The following IRX2 variants were observed in gnomAD, a reference collection of about 807,000 sequenced individuals.
The protein encoded by IRX2 is iroquois-class homeodomain protein IRX-2.
IRX2 carries 26 observed loss-of-function variants against 42.9 expected under a neutral mutation model. The ratio of observed to expected loss-of-function variants is 0.61; its 90% confidence interval spans 0.44 to 0.84. IRX2 has a LOEUF of 0.84. Among genes scored for constraint, IRX2 ranks in the 40% least tolerant of loss-of-function variants. The pLI is 0.00. For synonymous variants in IRX2, 424 were observed against 353.9 expected, an observed-to-expected ratio of 1.20 and a Z score of -2.22; for missense variants, 782 against 713.9, an observed-to-expected ratio of 1.10 and a Z score of -1.09.
At chr5:2,746,047 G>A (rs1737653796), downstream of IRX2, 2 of 148,608 alleles carry the variant, frequency 1.3e-5, no homozygotes, top group South Asian at 4.2e-4. Context: ...AGGAGAGAAA[G>A]GAGAGTTTAT....
chr5:2,749,698 G>A lies in IRX2; in HGVS notation c.339C>T (p.Asn113=), dbSNP rs61751232. 6.2e-7 allele frequency: 1 copy of A among 1,614,140 alleles called. No homozygotes were observed. Among genetic ancestry groups the A allele is most frequent in the Non-Finnish European group, 8.5e-7 (1 of 1,180,024 alleles). The change falls in exon 2 of 4, where the codon AAC becomes AAT. Residue 113 remains asparagine, a synonymous_variant. Coordinates refer to ENST00000302057, the MANE Select transcript of IRX2 (RefSeq NM_033267.5). The part of the protein sequence containing the change: ...YGSAAYPYQL[N]DPAYRKNATR... Reference sequence around the variant, plus strand: ...TGGCGTTCTTGCGGTACGCGGGGTCGTTGAGCTGGTACGGGTAGGCCGCGC... The same window carrying A: ...TGGCGTTCTTGCGGTACGCGGGGTCATTGAGCTGGTACGGGTAGGCCGCGC...
the IRX2 span, among the ~76,000 whole-genome samples, chr5:2,739,224 C>A: frequency 6.6e-6 from 1 of 152,358 alleles, no homozygotes; most frequent in Non-Finnish European, 1.5e-5. Context: ...GGCAACCCAC[C>A]CCGAGCCCGC....
rs1174624663 is a variant in IRX2 at position 2,749,660 on chromosome 5, G to A, written c.377C>T (p.Thr126Met). The A allele has an allele frequency of 6.2e-7, 1 of 1,614,200 alleles. No individual in the cohort carries two copies. The highest frequency in any genetic ancestry group is 8.5e-7 in the Non-Finnish European group (1 of 1,180,018). Residue 126 changes from threonine (T) to methionine (M), a missense_variant, in exon 2 of 4, where the codon ACG becomes ATG. Around this residue, in one of 3 missense-constraint regions of IRX2, gnomAD observed 256 missense variants for 250.0 expected, o/e 1.02. Coordinates refer to ENST00000302057, the MANE Select transcript of IRX2 (RefSeq NM_033267.5). ...AYRKNATRDA[T>M]ATLKAWLNEH... ...GTTGAGCCAGGCCTTGAGAGTGGCC[G>A]TGGCGTCCCGCGTGGCGTTCTTGCG... is the stretch of plus-strand genomic sequence containing the variant.
intron 1 of IRX2, 64 bp from the exon 2 acceptor site, chr5:2,749,851 T>A (rs895764783): frequency 6.7e-7 from 1 of 1,491,744 alleles, no homozygotes; most frequent in Admixed American, 2.0e-5. Flanking sequence ...AGCCAGAGGA[T>A]GCCACCCCTC....
rs1207308633 is a variant in IRX2, at chr5:2,751,328, G to T, written c.86C>A (p.Ala29Glu). Residue 29 changes from alanine to glutamate, a missense_variant, in exon 1 of 4, where the codon GCG (alanine) becomes GAG (glutamate). Physicochemically the swap from Ala to Glu is moderately radical, Grantham distance 107 (BLOSUM62 -1). Transcript: ENST00000302057. This position sits in a 1 kb window ranked among gnomAD's most constrained non-coding sequence, Gnocchi z 4.0. ...CGCCAGCTCCTCGCTGCGCGGAGCC[G>T]CCAAAGCCGACGCGCCGTAGGCCGG... ...SCPAYGASAL[A>E]APRSEELARS... The T allele has an allele frequency of 1.4e-6, 2 of 1,438,512 alleles. No homozygotes were observed. The highest frequency in any genetic ancestry group is 3.2e-5 in the East Asian group (1 of 31,328). 89.1% of individuals were successfully genotyped at this position (1,438,512 alleles called of 1,614,324 possible).
At chr5:2,737,856 C>G in the IRX2 span, 1 of 152,184 alleles carries the variant, frequency 6.6e-6, no homozygotes, top group African/African-American at 2.4e-5. Context: ...TCTTCACCCA[C>G]CAGAGAAGTT....
chr5:2,748,619 G>A lies in IRX2; in HGVS notation c.1089C>T (p.Thr363=), dbSNP rs377008864. 7.3e-6 allele frequency: 11 copies of A among 1,504,582 alleles called. No individual in the cohort carries two copies. The highest frequency in any genetic ancestry group is 9.7e-6 in the Non-Finnish European group (11 of 1,131,358). The allele number at this position is 1,504,582 out of a possible 1,614,324, so 93.2% of individuals were successfully genotyped here. ...GLPAAAAPAS[T]GAPPGGSPYP... Reference sequence around the variant, plus strand: ...AGGGCGAGCCTCCTGGCGGTGCCCCGGTTGAGGCCGGCGCGGCGGCCGCGG... The same window carrying A: ...AGGGCGAGCCTCCTGGCGGTGCCCCAGTTGAGGCCGGCGCGGCGGCCGCGG... The change falls in exon 3 of 4, where the codon ACC becomes ACT. Residue 363 remains threonine, a synonymous_variant. Coordinates refer to ENST00000302057, the MANE Select transcript of IRX2 (RefSeq NM_033267.5).
At position 2,748,628 on chromosome 5, in the gene IRX2, C is replaced by A; in HGVS notation, c.1080G>T (p.Pro360=). The change falls in exon 3 of 4, where the codon CCG becomes CCT. Residue 360 remains proline (P), a synonymous_variant. Transcript: ENST00000302057. ...CTCCTGGCGGTGCCCCGGTTGAGGC[C>A]GGCGCGGCGGCCGCGGGCAGCCCCG... is the stretch of plus-strand genomic sequence containing the variant. The part of the protein sequence containing the change: ...GPPGLPAAAA[P]ASTGAPPGGS... 1 of 1,469,548 alleles carries A rather than the reference C, an allele frequency of 6.8e-7. No homozygotes were observed. The highest frequency in any genetic ancestry group is 1.4e-5 in the South Asian group (1 of 72,148). The allele number at this position is 1,469,548 out of a possible 1,614,324, so 91.0% of individuals were successfully genotyped here.
At chr5:2,749,326 C>A in intron 2 of IRX2, 56 bp downstream of exon 2, 1 of 1,538,544 alleles carries the variant, frequency 6.5e-7, no homozygotes. Flanking sequence ...CTTAGCTCTG[C>A]GCCCCGCCTG....
In IRX2 at chr5:2,747,369, A is replaced by C; in HGVS notation, c.*195T>G. 2.0e-6 allele frequency: 1 copy of C among 500,360 alleles called. No homozygotes were observed. Among genetic ancestry groups the C allele is most frequent in the Non-Finnish European group, 3.6e-6 (1 of 276,044 alleles). The allele number at this position is 500,360 out of a possible 1,614,324, so 31.0% of individuals were successfully genotyped here. ...AGGAGTGATAGAACTTGTGCCAAAA[A>C]GAGGGAATCTATAAAACAGAAAATA... On this transcript the variant is annotated 3_prime_UTR_variant, in exon 4 of 4. Coordinates refer to ENST00000302057, the MANE Select transcript of IRX2 (RefSeq NM_033267.5).
intron 1 of IRX2, among the ~76,000 whole-genome samples, chr5:2,750,901 G>A (rs1162084848): frequency 3.9e-5 from 6 of 152,102 alleles, no homozygotes; most frequent in African/African-American, 1.2e-4. Flanking sequence ...GGCTCTCAGA[G>A]AAAATCAGCC....
Position 2,747,527 on chromosome 5 carries a change from G to A in IRX2, c.*37C>T, listed in dbSNP as rs770356382. The A allele has an allele frequency of 3.8e-6, 6 of 1,598,652 alleles. No homozygotes were observed. The African/African-American group carries it at 5.4e-5, about 14-fold the overall frequency. ...GCTCCACAGGGTCTGGGAAGCACCA[G>A]GGTGCCCACTTACTTGCATTGCTGT... On this transcript the variant is annotated 3_prime_UTR_variant, in exon 4 of 4. Transcript: ENST00000302057.
intron 3 of IRX2, 39 bp downstream of exon 3, chr5:2,748,305 TC>T: frequency 1.5e-6 from 2 of 1,371,672 alleles, no homozygotes; most frequent in Non-Finnish European, 9.3e-7. Flanking sequence ...GGGCTGGCTC[TC>T]CCTCCCCTCC....
Position 2,751,015 on chromosome 5 carries a change from C to A in IRX2, c.249+150G>T. 6 of 933,334 alleles carry A rather than the reference C, an allele frequency of 6.4e-6. No individual in the cohort carries two copies. Among genetic ancestry groups the A allele is most frequent in the Non-Finnish European group, 8.1e-6 (6 of 737,522 alleles). 57.8% of individuals were successfully genotyped at this position (933,334 alleles called of 1,614,324 possible). A position where few individuals can be genotyped will look rare whatever the true frequency, so the allele number is the denominator to read the frequency against. On this transcript the variant is annotated intron_variant, in intron 1 of 3. Coordinates refer to ENST00000302057, the MANE Select transcript of IRX2 (RefSeq NM_033267.5). The surrounding 1 kb of genome is among the most constrained non-coding windows in gnomAD (Gnocchi z 4.0). ...CCCACCCGGGGCCCGGCTCAGCCTG[C>A]GGGGCGGCCAACCGAGCCGGCGACT...
downstream of IRX2, among the ~76,000 whole-genome samples, chr5:2,743,114 C>T (rs1248008289): frequency 6.6e-6 from 1 of 152,196 alleles, no homozygotes; most frequent in Non-Finnish European, 1.5e-5. Flanking sequence ...GAATGAGATC[C>T]GCGGCGGCCC....
intron 3 of IRX2, 135 bp downstream of exon 3, chr5:2,748,210 T>C: frequency 1.4e-6 from 1 of 737,982 alleles, no homozygotes; most frequent in Non-Finnish European, 2.0e-6. Flanking sequence ...CCGCCCTCAC[T>C]CTGCTAATTC....
Position 2,748,576 on chromosome 5 carries a change from G to A in IRX2, c.1132C>T (p.Leu378=). The A allele has an allele frequency of 1.3e-6, 2 of 1,561,754 alleles. No individual in the cohort carries two copies. The highest frequency in any genetic ancestry group is 1.9e-5 in the Admixed American group (1 of 53,314). The change falls in exon 3 of 4, where the codon CTG becomes TTG. Residue 378 remains leucine (L), a synonymous_variant. Transcript: ENST00000302057. ...GGSPYPASPL[L]GRPLYYTSPF... ...GACGTGTAGTAGAGGGGGCGGCCCA[G>A]CAGCGGCGAGGCAGGGTAGGGCGAG...
At position 2,748,725 on chromosome 5, in the gene IRX2, T is replaced by C; in HGVS notation, c.983A>G (p.Lys328Arg). ...GGCGATCTCGGCCAGCGACCACAGC[T>C]TGGGCTTGCTGGCGGGGGGCGGCGC... is the stretch of plus-strand genomic sequence containing the variant. ...PGAPPPASKP[K>R]LWSLAEIATS... The change falls in exon 3 of 4, where the codon AAG (lysine) becomes AGG (arginine). Residue 328 changes from lysine (K) to arginine (R), a missense_variant. Around this residue, in one of 3 missense-constraint regions of IRX2, gnomAD observed 520 missense variants for 437.8 expected, o/e 1.19. Coordinates refer to ENST00000302057, the MANE Select transcript of IRX2 (RefSeq NM_033267.5). 7.2e-7 allele frequency: 1 copy of C among 1,387,604 alleles called. No individual in the cohort carries two copies. Among genetic ancestry groups the C allele is most frequent in the South Asian group, 1.6e-5 (1 of 61,372 alleles). The allele number at this position is 1,387,604 out of a possible 1,614,324, so 86.0% of individuals were successfully genotyped here.
At chr5:2,741,601 A>C (rs78493241), downstream of IRX2, among the ~76,000 whole-genome samples, 1,726 of 152,314 alleles carry the variant, frequency 0.011, 16 homozygotes, top group Non-Finnish European at 0.017. Context: ...AAAATAACCC[A>C]AGGTAATTAT....
Sources: gnomAD v4.1 joint callset for allele counts (sites outside exome capture counted in the v4.1 genomes callset) on GRCh38, gnomAD v4.1.1 for gene constraint, gnomAD v4.1.1 regional missense constraint, Gnocchi (gnomAD v3.1) non-coding constraint, MANE v1.5 for transcripts, NCBI Gene and HGNC (gene_info 2026-07-23, HGNC 2026-07-21) for gene names.